Variants in TLE4 observed in about 807,000 individuals in gnomAD.
TLE4 encodes transducin-like enhancer protein 4.
In TLE4, 8 loss-of-function variants were observed where a neutral mutation model predicts 92.8. The ratio of observed to expected loss-of-function variants is 0.09; its 90% CI spans 0.05 to 0.16. TLE4 has a LOEUF of 0.16. Among genes scored for constraint, TLE4 ranks in the 10% least tolerant of loss-of-function variants. The pLI, the probability that TLE4 is intolerant of heterozygous loss-of-function variation, is 1.00. For synonymous variants in TLE4, 371 were observed against 374.1 expected, an observed-to-expected ratio of 0.99 and a Z score of 0.10; for missense variants, 675 against 997.6, an observed-to-expected ratio of 0.68 and a Z score of 4.36.
intron 3 of TLE4, among the ~76,000 whole-genome samples, chr9:79,575,575 A>T (rs906043759): frequency 6.6e-6 from 1 of 152,230 alleles, no homozygotes; most frequent in African/African-American, 2.4e-5. Context: ...AAAAAACCAG[A>T]TCTGCTTTTA....
At chr9:79,691,387 T>A (rs2067049789) in intron 8 of TLE4, among the ~76,000 whole-genome samples, 1 of 152,242 alleles carries the variant, frequency 6.6e-6, no homozygotes, top group Non-Finnish European at 1.5e-5. Context: ...TTGCAAAGGA[T>A]GGAGGTAGGC....
intron 4 of TLE4, among the ~76,000 whole-genome samples, chr9:79,589,442 C>T (rs2042004834): frequency 1.3e-5 from 2 of 152,030 alleles, no homozygotes; most frequent in Non-Finnish European, 2.9e-5. Flanking sequence ...GATAAACCTT[C>T]TCGGTGGGAG....
At chr9:79,701,659 G>A (rs928206328) in intron 8 of TLE4, among the ~76,000 whole-genome samples, 3 of 152,310 alleles carry the variant, frequency 2.0e-5, no homozygotes, top group East Asian at 1.9e-4. Context: ...CCATATTACC[G>A]ATTCCAAGGG....
intron 6 of TLE4, among the ~76,000 whole-genome samples, chr9:79,650,181 G>T (rs922970233): frequency 6.6e-6 from 1 of 152,050 alleles, no homozygotes; most frequent in African/African-American, 2.4e-5. Flanking sequence ...TTCCCAAAGT[G>T]TTGGGATTAC....
At chr9:79,703,771 G>A (rs988147577) in intron 8 of TLE4, among the ~76,000 whole-genome samples, 1 of 152,132 alleles carries the variant, frequency 6.6e-6, no homozygotes, top group African/African-American at 2.4e-5. Flanking sequence ...AACTATAGGA[G>A]TGAGAAAGGA....
chr9:79,607,719 C>T (rs1427519589), intron 4 of TLE4, among the ~76,000 whole-genome samples: 1 of 152,046 alleles, frequency 6.6e-6, no homozygotes, highest in Non-Finnish European at 1.5e-5. Flanking sequence ...GGCCTCTGTG[C>T]TGTTCCATTG....
intron 1 of TLE4, chr9:79,573,269 C>G (rs566257076): frequency 9.8e-7 from 1 of 1,021,344 alleles, no homozygotes; most frequent in East Asian, 1.0e-4. Flanking sequence ...AGCGGGCGAA[C>G]GAACGAGCCG....
chr9:79,633,831 C>CT (rs1461547201), intron 6 of TLE4, among the ~76,000 whole-genome samples: 1 of 152,146 alleles, frequency 6.6e-6, no homozygotes, highest in Non-Finnish European at 1.5e-5. Context: ...CCCCTCGAAG[C>CT]TGAGAGGGAG....
intron 1 of TLE4, 48 bp downstream of exon 1, chr9:79,572,883 C>A: frequency 6.4e-7 from 1 of 1,559,722 alleles, no homozygotes; most frequent in South Asian, 1.1e-5. Flanking sequence ...TGGGGGATTC[C>A]CCGCGTCGCC....
chr9:79,582,796 C>T (rs2040035966), intron 4 of TLE4, among the ~76,000 whole-genome samples: 1 of 152,036 alleles, frequency 6.6e-6, no homozygotes, highest in Admixed American at 6.5e-5. Context: ...TAAAATGACT[C>T]CAGCGTTCCA....
intron 5 of TLE4, among the ~76,000 whole-genome samples, chr9:79,619,139 A>T (rs760579187): frequency 6.6e-6 from 1 of 152,232 alleles, no homozygotes; most frequent in Non-Finnish European, 1.5e-5. Flanking sequence ...AGTCAATTAC[A>T]TAATAGTGAT....
intron 4 of TLE4, among the ~76,000 whole-genome samples, chr9:79,606,493 A>G (rs1426126815): frequency 1.3e-5 from 2 of 151,498 alleles, no homozygotes; most frequent in African/African-American, 4.9e-5. Context: ...CGTCATTTAC[A>G]TTAGGTATTT....
At chr9:79,710,510 C>T (rs764943750) in intron 14 of TLE4, among the ~76,000 whole-genome samples, 7 of 152,142 alleles carry the variant, frequency 4.6e-5, no homozygotes, top group South Asian at 2.1e-4. Context: ...CTACACATGC[C>T]GTGTATGTGC....
At position 79,720,182 on chromosome 9, in the gene TLE4, C is replaced by T. The variant is rs779285596; in HGVS notation, c.1727C>T (p.Ser576Leu). The T allele has an allele frequency of 2.5e-6, 4 of 1,614,192 alleles. No homozygotes were observed. Among genetic ancestry groups the T allele is most frequent in the Non-Finnish European group, 1.7e-6 (2 of 1,180,024 alleles). ...TPRIKAELTS[S>L]APACYALAIS... Reference sequence around the variant, plus strand: ...CGCATCAAGGCAGAGCTGACATCCTCGGCCCCCGCCTGCTATGCCCTGGCC... The same window carrying T: ...CGCATCAAGGCAGAGCTGACATCCTTGGCCCCCGCCTGCTATGCCCTGGCC... The change falls in exon 16 of 20, where the codon TCG becomes TTG. Residue 576 changes from serine (S) to leucine (L), a missense_variant. Physicochemically the swap from Ser to Leu is moderately radical, Grantham distance 145. This residue lies in a region of TLE4 where 170 missense variants were observed against 359.6 expected (regional missense o/e 0.47). Transcript: ENST00000376552.
rs1469187697 is a variant in TLE4, at chr9:79,720,157, C to A, written c.1702C>A (p.Arg568Ser). 1 of 1,614,168 alleles carries A rather than the reference C, an allele frequency of 6.2e-7. No individual in the cohort carries two copies. Among genetic ancestry groups the A allele is most frequent in the East Asian group, 2.2e-5 (1 of 44,858 alleles). ...TTGGGACCTGGCGGCTCCAACCCCA[C>A]GCATCAAGGCAGAGCTGACATCCTC... ...SIWDLAAPTPRIKAELTSSAP... is the reference protein window; with the variant it reads ...SIWDLAAPTPSIKAELTSSAP... The change falls in exon 16 of 20, where the codon CGC (arginine) becomes AGC (serine). Residue 568 changes from arginine to serine, a missense_variant. Arg to Ser is a moderately radical substitution (Grantham distance 110, BLOSUM62 -1). Transcript: ENST00000376552.
chr9:79,697,824 GA>G (rs1378156660), intron 8 of TLE4, among the ~76,000 whole-genome samples: 2 of 151,914 alleles, frequency 1.3e-5, no homozygotes, highest in Non-Finnish European at 2.9e-5. Context: ...TACACATGAA[GA>G]AAAAAATATG....
intron 8 of TLE4, among the ~76,000 whole-genome samples, chr9:79,687,550 A>C (rs1219669082): frequency 1.3e-5 from 2 of 152,156 alleles, no homozygotes; most frequent in Admixed American, 6.5e-5. Context: ...TGTTTGATAG[A>C]GTTCTCAGCC....
intron 4 of TLE4, among the ~76,000 whole-genome samples, chr9:79,585,707 C>T (rs2040885004): frequency 6.6e-6 from 1 of 151,266 alleles, no homozygotes; most frequent in Non-Finnish European, 1.5e-5. Context: ...CACTTATTTT[C>T]AGAATTTTTA....
intron 3 of TLE4, among the ~76,000 whole-genome samples, chr9:79,575,245 T>C (rs1281880587): frequency 6.6e-6 from 1 of 152,234 alleles, no homozygotes; most frequent in East Asian, 1.9e-4. Context: ...AAAATGTTTT[T>C]GTGTTAGTGG....
Sources: gnomAD v4.1 joint callset for allele counts (sites outside exome capture counted in the v4.1 genomes callset) on GRCh38, gnomAD v4.1.1 for gene constraint, gnomAD v4.1.1 regional missense constraint, MANE v1.5 for transcripts, NCBI Gene and HGNC (gene_info 2026-07-23, HGNC 2026-07-21) for gene names.